Variants in NTN1 observed in about 807,000 individuals in gnomAD.
NTN1 encodes the protein netrin-1.
Under a neutral mutation model 54.2 loss-of-function variants are expected in NTN1, and 11 were observed. The observed-to-expected ratio is 0.20, with a 90% CI of 0.13 to 0.34. NTN1 has a LOEUF of 0.34. Ranked by LOEUF, NTN1 falls within the 10% of genes least tolerant of loss-of-function variation. The probability of loss-of-function intolerance (pLI) is 1.00; values close to 1 mark genes in which losing one functional copy is unlikely to be tolerated. For missense variants in NTN1, 740 were observed against 893.1 expected, an observed-to-expected ratio of 0.83 and a Z score of 2.18; for synonymous variants, 371 against 382.0, an observed-to-expected ratio of 0.97 and a Z score of 0.33.
At chr17:9,195,748 C>T (rs1244933456) in intron 5 of NTN1, among the ~76,000 whole-genome samples, 1 of 152,178 alleles carries the variant, frequency 6.6e-6, no homozygotes, top group Non-Finnish European at 1.5e-5. Flanking sequence ...TTGCAGCGGG[C>T]TCGCCTGGCA....
intron 2 of NTN1, among the ~76,000 whole-genome samples, chr17:9,068,025 A>G (rs902522372): frequency 2.0e-5 from 3 of 152,220 alleles, no homozygotes; most frequent in Non-Finnish European, 2.9e-5. Context: ...CCTGAGCAAC[A>G]TAGAGCAGTC....
intron 3 of NTN1, chr17:9,174,435 C>T (rs2092394919): frequency 6.6e-6 from 1 of 152,468 alleles, no homozygotes; most frequent in Non-Finnish European, 1.5e-5. Flanking sequence ...TGCAAAGTGC[C>T]TCAGACTGAT....
intron 2 of NTN1, among the ~76,000 whole-genome samples, chr17:9,148,803 G>C (rs2092320354): frequency 6.6e-6 from 1 of 151,986 alleles, no homozygotes; most frequent in South Asian, 2.1e-4. Context: ...CGGGGGTCTG[G>C]TGTGCAGTAT....
chr17:9,165,103 G>A lies in NTN1; in HGVS notation c.1207+2102G>A, dbSNP rs9899596. ...CAGCCAAGAAATTTTACCCAACAGCGGCCACTCAGGTGGGCAGTCCTGTGC... is the reference window on the plus strand; with the variant it reads ...CAGCCAAGAAATTTTACCCAACAGCAGCCACTCAGGTGGGCAGTCCTGTGC... On this transcript the variant is annotated intron_variant, in intron 3 of 6. Coordinates refer to ENST00000173229, the MANE Select transcript of NTN1 (RefSeq NM_004822.3). The surrounding 1 kb of genome is among the most constrained non-coding windows in gnomAD (Gnocchi z 4.5). Among the ~76,000 whole-genome samples, 32,920 of 151,954 alleles carry A rather than the reference G, an allele frequency of 0.22. 3,816 individuals are homozygous for A. The highest frequency in any genetic ancestry group is 0.34 in the East Asian group (1,756 of 5,160).
intron 2 of NTN1, among the ~76,000 whole-genome samples, chr17:9,151,042 T>A (rs569724440): frequency 2.0e-5 from 3 of 152,240 alleles, no homozygotes; most frequent in African/African-American, 7.2e-5. Flanking sequence ...ACCACGTCCA[T>A]CAGTTGGTCC....
chr17:9,122,471 T>C (rs2092234486), intron 2 of NTN1, among the ~76,000 whole-genome samples: 1 of 152,188 alleles, frequency 6.6e-6, no homozygotes, highest in African/African-American at 2.4e-5. Flanking sequence ...CCAGTGCTCC[T>C]CTTAACCAGA....
At chr17:9,087,919 C>T in intron 2 of NTN1, among the ~76,000 whole-genome samples, 1 of 152,188 alleles carries the variant, frequency 6.6e-6, no homozygotes, top group East Asian at 1.9e-4. Context: ...GGGCATCCTG[C>T]CCCCAGGGAG....
chr17:9,011,304 A>ATC, the NTN1 span, among the ~76,000 whole-genome samples: 71 of 152,164 alleles, frequency 4.7e-4, no homozygotes, highest in African/African-American at 1.7e-3. Flanking sequence ...GTAGGGAAGG[A>ATC]TCCTTTCCTT....
rs571862434 is a variant in NTN1 at position 9,136,839 on chromosome 17, C to T, written c.1019-25974C>T. 5.9e-5 allele frequency among the ~76,000 whole-genome samples: 9 copies of T among 152,324 alleles called. No individual in the cohort carries two copies. The South Asian group carries it at 6.2e-4, about 11-fold the overall frequency. ...CCTCCTGCCACAATTTCAGGCTCTT[C>T]GCAGTCGGAGCCTGTTCAGACCTTT... On this transcript the variant is annotated intron_variant, in intron 2 of 6. Coordinates refer to ENST00000173229, the MANE Select transcript of NTN1 (RefSeq NM_004822.3).
intron 2 of NTN1, among the ~76,000 whole-genome samples, chr17:9,154,874 C>T (rs1343312881): frequency 3.9e-5 from 6 of 152,278 alleles, no homozygotes; most frequent in Admixed American, 2.0e-4. Context: ...CAGGCCCCTG[C>T]GGTTGAACCT....
At chr17:9,177,537 A>G (rs1370758540) in intron 3 of NTN1, 1 of 152,210 alleles carries the variant, frequency 6.6e-6, no homozygotes, top group Non-Finnish European at 1.5e-5. Flanking sequence ...GGAGGGGAGA[A>G]TGTCTTGGCA....
rs77987684 is a variant in NTN1 at position 9,195,184 on chromosome 17, C to A, written c.1411+12215C>A. ...CAGGCTGGGGGTGAACAGGGCCAGG[C>A]GAGCTCTACCACCCCTCCACCCCTC... On this transcript the variant is annotated intron_variant, in intron 5 of 6. Transcript: ENST00000173229. 3.6e-4 allele frequency among the ~76,000 whole-genome samples: 42 copies of A among 116,386 alleles called. 2 individuals carry two copies. The highest frequency in any genetic ancestry group is 1.1e-3 in the African/African-American group (35 of 31,600). 76.4% of individuals were successfully genotyped at this position (116,386 alleles called of 152,430 possible). A position where few individuals can be genotyped will look rare whatever the true frequency, so the allele number is the denominator to read the frequency against.
chr17:9,022,672 A>C lies in NTN1; in HGVS notation c.299A>C (p.Lys100Thr), dbSNP rs1053227918. 6.3e-6 allele frequency: 10 copies of C among 1,577,480 alleles called. No individual in the cohort carries two copies. Among genetic ancestry groups the C allele is most frequent in the Non-Finnish European group, 8.6e-6 (10 of 1,163,112 alleles). The change falls in exon 2 of 7, where the codon AAG becomes ACG. Residue 100 changes from lysine (K) to threonine (T), a missense_variant. Transcript: ENST00000173229. ...SCHLCNASDP[K>T]KAHPPAFLTD... ...CACCTCTGCAACGCGTCCGACCCCAAGAAGGCGCACCCGCCCGCCTTCCTC... is the reference window on the plus strand; with the variant it reads ...CACCTCTGCAACGCGTCCGACCCCACGAAGGCGCACCCGCCCGCCTTCCTC...
chr17:9,115,246 T>C (rs888097238), intron 2 of NTN1, among the ~76,000 whole-genome samples: 5 of 152,240 alleles, frequency 3.3e-5, no homozygotes, highest in African/African-American at 1.2e-4. Context: ...ACCGATTCAG[T>C]AAGTTCAAGC....
intron 2 of NTN1, among the ~76,000 whole-genome samples, chr17:9,118,926 T>C: frequency 6.6e-6 from 1 of 152,238 alleles, no homozygotes; most frequent in East Asian, 1.9e-4. Flanking sequence ...GTTGTTTCCA[T>C]TTCTTTGCCA....
intron 2 of NTN1, among the ~76,000 whole-genome samples, chr17:9,038,520 C>A (rs1038337076): frequency 1.5e-4 from 23 of 152,070 alleles, no homozygotes; most frequent in African/African-American, 4.6e-4. Flanking sequence ...GCAGGGGTCC[C>A]ATTTGCAACT....
chr17:9,092,827 C>T (rs1309028330), intron 2 of NTN1, among the ~76,000 whole-genome samples: 1 of 151,954 alleles, frequency 6.6e-6, no homozygotes, highest in Non-Finnish European at 1.5e-5. Context: ...GGTGCAATCT[C>T]AGCTCACTGC....
Position 9,243,651 on chromosome 17 carries a change from T to TGTCA in NTN1, c.*3684_*3687dup, listed in dbSNP as rs1285052544. 1 of 152,296 alleles carries TGTCA rather than the reference T, an allele frequency of 6.6e-6. No homozygotes were observed. Among genetic ancestry groups the TGTCA allele is most frequent in the East Asian group, 1.9e-4 (1 of 5,156 alleles). 9.4% of individuals were successfully genotyped at this position (152,296 alleles called of 1,614,324 possible). A position where few individuals can be genotyped will look rare whatever the true frequency, so the allele number is the denominator to read the frequency against. On this transcript the variant is annotated 3_prime_UTR_variant, in exon 7 of 7. Transcript: ENST00000173229. ...CCAAAAGCCAAACCAGTCCCACTCCTGTCATTGGACGTTTCTTCCCATTCC... is the reference window on the plus strand; with the variant it reads ...CCAAAAGCCAAACCAGTCCCACTCCTGTCAGTCATTGGACGTTTCTTCCCATTCC...
chr17:9,154,850 C>T (rs533763095), intron 2 of NTN1, among the ~76,000 whole-genome samples: 1 of 152,222 alleles, frequency 6.6e-6, no homozygotes, highest in East Asian at 1.9e-4. Context: ...AGGCATCTGC[C>T]CACTGCCCCA....
Sources: allele counts gnomAD v4.1 joint callset (sites outside exome capture counted in the v4.1 genomes callset), GRCh38; gene constraint gnomAD v4.1.1; non-coding constraint Gnocchi (gnomAD v3.1); transcripts MANE v1.5; gene names NCBI Gene and HGNC (gene_info 2026-07-23, HGNC 2026-07-21).